The following DCC variants were observed in gnomAD, a reference collection of about 807,000 sequenced individuals.
The protein encoded by DCC is netrin receptor DCC.
Under a neutral mutation model 172.5 loss-of-function variants are expected in DCC, and 58 were observed. The observed-to-expected ratio is 0.34, with a 90% confidence interval of 0.27 to 0.42. The LOEUF is 0.42. DCC is among the 10% of genes least tolerant of loss of function. DCC has a pLI of 1.00. For missense variants in DCC, 1,740 were observed against 1,791.0 expected (o/e 0.97, Z 0.51); for synonymous variants, 709 against 644.5 (o/e 1.10, Z -1.52).
At chr18:53,432,058 C>T (rs144958716) in intron 21 of DCC, among the ~76,000 whole-genome samples, 117 of 152,024 alleles carry the variant, frequency 7.7e-4, no homozygotes, top group African/African-American at 2.5e-3. Context: ...AACTATGAAA[C>T]ATATAAAGTT....
rs529201937 is a variant in DCC at position 52,463,737 on chromosome 18, G to A, written c.91+122859G>A. Among the ~76,000 whole-genome samples the A allele has an allele frequency of 3.9e-5, 6 of 152,294 alleles. No individual in the cohort carries two copies. The East Asian group carries it at 1.2e-3, about 29-fold the overall frequency. On this transcript the variant is annotated intron_variant, in intron 1 of 28. Transcript: ENST00000442544. ...TGTTCCAGTCACTGTACTAGGTGCTGAGGATATAACAAAAACAGAGGAAGG... is the reference window on the plus strand; with the variant it reads ...TGTTCCAGTCACTGTACTAGGTGCTAAGGATATAACAAAAACAGAGGAAGG...
intron 1 of DCC, among the ~76,000 whole-genome samples, chr18:52,367,047 C>G (rs542831060): frequency 6.3e-4 from 96 of 152,336 alleles, no homozygotes; most frequent in African/African-American, 2.2e-3. Flanking sequence ...GAGCCCTGCC[C>G]CGCGGGAAGG....
At position 52,590,431 on chromosome 18, in the gene DCC, A is replaced by AT. The variant is rs1158369107; in HGVS notation, c.92-161618dup. The stretch of plus-strand genomic sequence containing the variant: ...AGGGAGTAAAAAAAGTATAAAAAAC[A>AT]TTTTTCTGCCTCAAGAAGTTGTCAG... On this transcript the variant is annotated intron_variant, in intron 1 of 28. Coordinates refer to ENST00000442544, the MANE Select transcript of DCC (RefSeq NM_005215.4). 2.0e-5 allele frequency among the ~76,000 whole-genome samples: 3 copies of AT among 152,228 alleles called. No individual in the cohort carries two copies. In the East Asian group the frequency reaches 5.8e-4, roughly 29 times the overall value.
intron 27 of DCC, among the ~76,000 whole-genome samples, chr18:53,514,819 C>G (rs1326612525): frequency 6.6e-6 from 1 of 151,870 alleles, no homozygotes; most frequent in Non-Finnish European, 1.5e-5. Flanking sequence ...AGCTTACCAA[C>G]CAAAAAGAGT....
At chr18:52,489,591 T>G (rs563703130) in intron 1 of DCC, among the ~76,000 whole-genome samples, 23 of 152,100 alleles carry the variant, frequency 1.5e-4, no homozygotes, top group Non-Finnish European at 2.8e-4. Flanking sequence ...CTGGCCTTGA[T>G]TCTACTCACT....
intron 1 of DCC, among the ~76,000 whole-genome samples, chr18:52,712,375 C>T (rs556301345): frequency 1.3e-5 from 2 of 152,116 alleles, no homozygotes; most frequent in Non-Finnish European, 2.9e-5. Context: ...TACTTGTAAT[C>T]GTTAGCAACC....
chr18:53,299,183 A>G (rs2057103372), intron 12 of DCC, among the ~76,000 whole-genome samples: 2 of 152,182 alleles, frequency 1.3e-5, no homozygotes, highest in South Asian at 4.1e-4. Flanking sequence ...GCTTGTGTGT[A>G]TTTAAGACTA....
intron 1 of DCC, among the ~76,000 whole-genome samples, chr18:52,595,811 TTACA>T (rs2033899293): frequency 6.7e-6 from 1 of 149,968 alleles, no homozygotes; most frequent in Non-Finnish European, 1.5e-5. Flanking sequence ...GCACTGAACT[TTACA>T]TACATGTAAA....
intron 1 of DCC, among the ~76,000 whole-genome samples, chr18:52,490,424 T>C (rs1318328608): frequency 6.6e-6 from 1 of 152,098 alleles, no homozygotes; most frequent in Non-Finnish European, 1.5e-5. Context: ...AGAATTAGCT[T>C]TGTAAATTTT....
chr18:53,472,965 T>C (rs1455026448), intron 25 of DCC, among the ~76,000 whole-genome samples: 1 of 152,232 alleles, frequency 6.6e-6, no homozygotes, highest in African/African-American at 2.4e-5. Context: ...TCATTGCTGA[T>C]CCACAAATAT....
intron 12 of DCC, among the ~76,000 whole-genome samples, chr18:53,270,050 G>C (rs1169271830): frequency 6.6e-6 from 1 of 152,152 alleles, no homozygotes; most frequent in Non-Finnish European, 1.5e-5. Flanking sequence ...CCATTGGGCT[G>C]TTTATGCTGG....
chr18:53,497,198 G>A (rs561557565), intron 26 of DCC, among the ~76,000 whole-genome samples: 119 of 152,246 alleles, frequency 7.8e-4, no homozygotes, highest in Middle Eastern at 3.4e-3. Flanking sequence ...TTTGTGAGAC[G>A]CACAATTCAC....
intron 7 of DCC, among the ~76,000 whole-genome samples, chr18:53,107,320 T>A (rs923793325): frequency 6.6e-6 from 1 of 151,844 alleles, no homozygotes; most frequent in Non-Finnish European, 1.5e-5. Flanking sequence ...ACTGCATGTC[T>A]TATGTGATAG....
chr18:52,844,396 C>T (rs1189463560), intron 2 of DCC, among the ~76,000 whole-genome samples: 1 of 152,052 alleles, frequency 6.6e-6, no homozygotes, highest in Non-Finnish European at 1.5e-5. Flanking sequence ...AGAGGGTTAA[C>T]CTCCATTTAG....
chr18:52,472,637 T>C (rs1453083401), intron 1 of DCC, among the ~76,000 whole-genome samples: 1 of 152,210 alleles, frequency 6.6e-6, no homozygotes, highest in Non-Finnish European at 1.5e-5. Flanking sequence ...CAGCAGTGGC[T>C]CACGCCTGCT....
intron 1 of DCC, among the ~76,000 whole-genome samples, chr18:52,587,534 A>G (rs565024824): frequency 8.1e-4 from 123 of 152,186 alleles, no homozygotes; most frequent in Non-Finnish European, 1.5e-3. Context: ...TTTGTCACCA[A>G]TTTTCCAATC....
intron 26 of DCC, among the ~76,000 whole-genome samples, chr18:53,488,593 T>C (rs961233912): frequency 3.9e-5 from 6 of 152,222 alleles, no homozygotes; most frequent in African/African-American, 1.4e-4. Flanking sequence ...TTTTCCTCTT[T>C]CCTCTTAAAT....
chr18:53,510,508 A>G (rs1281314201), intron 27 of DCC, among the ~76,000 whole-genome samples: 1 of 152,208 alleles, frequency 6.6e-6, no homozygotes, highest in Non-Finnish European at 1.5e-5. Flanking sequence ...AAGTCAAAAG[A>G]GTATGTGTTT....
chr18:53,458,934 A>G (rs1599172879), intron 23 of DCC, among the ~76,000 whole-genome samples: 1 of 152,286 alleles, frequency 6.6e-6, no homozygotes, highest in Admixed American at 6.5e-5. Context: ...ATATGGTTCC[A>G]TCTAACCCAT....
Sources: allele counts gnomAD v4.1 joint callset (sites outside exome capture counted in the v4.1 genomes callset), GRCh38; gene constraint gnomAD v4.1.1; transcripts MANE v1.5; gene names NCBI Gene and HGNC (gene_info 2026-07-23, HGNC 2026-07-21).